EEPD1: variants seen among roughly 807,000 people sequenced by gnomAD.
EEPD1 encodes endonuclease/exonuclease/phosphatase family domain containing 1.
A neutral mutation model predicts 46.3 loss-of-function variants in EEPD1; 17 were observed. The observed-to-expected ratio is 0.37, with a 90% CI of 0.25 to 0.55. The LOEUF (loss-of-function observed/expected upper bound fraction) is 0.55. EEPD1 is among the 20% of genes least tolerant of loss of function. The probability of loss-of-function intolerance (pLI) is 0.83; values close to 1 mark genes in which losing one functional copy is unlikely to be tolerated. For synonymous variants in EEPD1, 313 were observed against 315.6 expected (o/e 0.99, Z 0.09); for missense variants, 673 against 745.6 (o/e 0.90, Z 1.13).
At chr7:36,153,984 G>T in intron 1 of EEPD1, 149 bp from the exon 2 acceptor site, 1 of 358,000 alleles carries the variant, frequency 2.8e-6, no homozygotes, top group Non-Finnish European at 5.2e-6. Flanking sequence ...AATCCACATG[G>T]GCCTAGCCTC....
intron 2 of EEPD1, among the ~76,000 whole-genome samples, chr7:36,172,390 C>T (rs1161967278): frequency 1.3e-5 from 2 of 152,196 alleles, no homozygotes; most frequent in African/African-American, 4.8e-5. Context: ...CGAGAACTTC[C>T]AGATGGCTGA....
intron 3 of EEPD1, among the ~76,000 whole-genome samples, chr7:36,273,484 A>C (rs968193513): frequency 3.3e-5 from 5 of 152,008 alleles, no homozygotes; most frequent in African/African-American, 1.2e-4. Context: ...TGGGATTACT[A>C]CCTAAGTAAA....
chr7:36,242,721 G>A (rs1197318623), intron 3 of EEPD1, among the ~76,000 whole-genome samples: 3 of 147,280 alleles, frequency 2.0e-5, no homozygotes, highest in South Asian at 2.2e-4. Context: ...TCGGGAGTTC[G>A]AGACCAGTCT....
chr7:36,229,592 C>T (rs569484318), intron 2 of EEPD1, among the ~76,000 whole-genome samples: 1 of 152,292 alleles, frequency 6.6e-6, no homozygotes, highest in South Asian at 2.1e-4. Flanking sequence ...CTTCTATCCA[C>T]TTCTCACCCA....
chr7:36,245,377 T>C (rs1307531430), intron 3 of EEPD1, among the ~76,000 whole-genome samples: 2 of 152,242 alleles, frequency 1.3e-5, no homozygotes, highest in Non-Finnish European at 2.9e-5. Context: ...CTGTTTCACC[T>C]GCCCTACTTA....
chr7:36,265,200 G>A (rs1464340770), intron 3 of EEPD1, among the ~76,000 whole-genome samples: 2 of 152,230 alleles, frequency 1.3e-5, no homozygotes, highest in Non-Finnish European at 2.9e-5. Context: ...TCTGTTTAAT[G>A]TGACAATTCC....
At chr7:36,226,695 A>G (rs1786237016) in intron 2 of EEPD1, among the ~76,000 whole-genome samples, 1 of 152,218 alleles carries the variant, frequency 6.6e-6, no homozygotes, top group South Asian at 2.1e-4. Flanking sequence ...AAACCAAACT[A>G]CTTAGAGATA....
intron 2 of EEPD1, among the ~76,000 whole-genome samples, chr7:36,175,344 C>T (rs1370054405): frequency 6.6e-6 from 1 of 152,172 alleles, no homozygotes; most frequent in Non-Finnish European, 1.5e-5. Flanking sequence ...GATCCTCCCA[C>T]CTCAGCCTCC....
intron 3 of EEPD1, among the ~76,000 whole-genome samples, chr7:36,258,651 A>G (rs1206894204): frequency 6.6e-6 from 1 of 152,110 alleles, no homozygotes; most frequent in African/African-American, 2.4e-5. Context: ...CTCAAGCCTC[A>G]GTAATGACGG....
intron 2 of EEPD1, among the ~76,000 whole-genome samples, chr7:36,164,397 T>TA (rs1784947946): frequency 6.6e-6 from 1 of 152,248 alleles, no homozygotes; most frequent in African/African-American, 2.4e-5. Flanking sequence ...CATGATGCCC[T>TA]ACTCACAGCT....
chr7:36,265,699 TG>T (rs1400053930), intron 3 of EEPD1, among the ~76,000 whole-genome samples: 1 of 152,208 alleles, frequency 6.6e-6, no homozygotes, highest in Non-Finnish European at 1.5e-5. Flanking sequence ...GTTTTCTTGT[TG>T]GGTGGTTTCT....
At chr7:36,197,121 A>G (rs1785614390) in intron 2 of EEPD1, among the ~76,000 whole-genome samples, 1 of 142,660 alleles carries the variant, frequency 7.0e-6, no homozygotes, top group African/African-American at 2.7e-5. Context: ...AGAAGTGAGG[A>G]GACCCTCCGC....
chr7:36,233,080 G>A (rs1786368077), intron 2 of EEPD1, among the ~76,000 whole-genome samples: 1 of 152,166 alleles, frequency 6.6e-6, no homozygotes, highest in Non-Finnish European at 1.5e-5. Flanking sequence ...TCCCTCCAGT[G>A]TAAATATTTA....
chr7:36,234,654 A>G (rs1562696160), intron 2 of EEPD1, among the ~76,000 whole-genome samples: 2 of 151,910 alleles, frequency 1.3e-5, no homozygotes, highest in Non-Finnish European at 2.9e-5. Context: ...CCTGGGTGAC[A>G]AAGTGAGACC....
chr7:36,237,065 G>A (rs1786462748), intron 2 of EEPD1, among the ~76,000 whole-genome samples: 1 of 152,100 alleles, frequency 6.6e-6, no homozygotes, highest in African/African-American at 2.4e-5. Flanking sequence ...CTGAAGTCAG[G>A]GAGACCACCA....
chr7:36,232,352 C>A (rs1212381634), intron 2 of EEPD1, among the ~76,000 whole-genome samples: 1 of 151,682 alleles, frequency 6.6e-6, no homozygotes, highest in Non-Finnish European at 1.5e-5. Context: ...CTGCAGGCGC[C>A]CACCACCAGG....
At chr7:36,195,460 C>A (rs145065301) in intron 2 of EEPD1, among the ~76,000 whole-genome samples, 59 of 152,214 alleles carry the variant, frequency 3.9e-4, no homozygotes, top group African/African-American at 1.4e-3. Context: ...AGAGAAGGCC[C>A]GACACCTTTA....
chr7:36,153,928 C>G (rs367885442), intron 1 of EEPD1, among the ~76,000 whole-genome samples: 2 of 152,054 alleles, frequency 1.3e-5, no homozygotes, highest in Non-Finnish European at 2.9e-5. Context: ...CGGCTCGTAG[C>G]CTTTTTGGAC....
chr7:36,192,699 A>T (rs574328868), intron 2 of EEPD1, among the ~76,000 whole-genome samples: 102 of 152,112 alleles, frequency 6.7e-4, no homozygotes, highest in African/African-American at 2.1e-3. Context: ...CTCCCCTTAC[A>T]TTTTTTTTAA....
Sources: allele counts gnomAD v4.1 joint callset (sites outside exome capture counted in the v4.1 genomes callset), GRCh38; gene constraint gnomAD v4.1.1; transcripts MANE v1.5; gene names NCBI Gene and HGNC (gene_info 2026-07-23, HGNC 2026-07-21).